ADAMTS19: variants seen among roughly 807,000 people sequenced by gnomAD.
ADAMTS19 encodes the protein A disintegrin and metalloproteinase with thrombospondin motifs 19.
In ADAMTS19, 93 loss-of-function variants were observed where a neutral mutation model predicts 153.3. The observed-to-expected ratio is 0.61, with a 90% CI of 0.51 to 0.72. ADAMTS19 has a LOEUF of 0.72. ADAMTS19 is among the 30% of genes least tolerant of loss of function. The pLI, the probability that ADAMTS19 is intolerant of heterozygous loss-of-function variation, is 0.00. For missense variants in ADAMTS19, 1,482 were observed against 1,552.1 expected, an observed-to-expected ratio of 0.95 and a Z score of 0.76; for synonymous variants, 600 against 556.6, an observed-to-expected ratio of 1.08 and a Z score of -1.10.
At chr5:129,577,367 T>A (rs1442872240) in intron 7 of ADAMTS19, among the ~76,000 whole-genome samples, 1 of 152,100 alleles carries the variant, frequency 6.6e-6, no homozygotes, top group Non-Finnish European at 1.5e-5. Context: ...GCTTACATTT[T>A]GATGGAGACA....
chr5:129,678,028 G>A (rs751115319), intron 16 of ADAMTS19, among the ~76,000 whole-genome samples: 17 of 152,078 alleles, frequency 1.1e-4, no homozygotes, highest in Non-Finnish European at 1.6e-4. Flanking sequence ...GTCCAGACTG[G>A]TCTTGAACTT....
intron 2 of ADAMTS19, among the ~76,000 whole-genome samples, chr5:129,467,967 CGTG>C (rs1437129633): frequency 6.6e-6 from 1 of 152,218 alleles, no homozygotes; most frequent in Non-Finnish European, 1.5e-5. Flanking sequence ...CACACACACA[CGTG>C]GTATTACCAC....
At chr5:129,577,972 T>C (rs1445018246) in intron 7 of ADAMTS19, among the ~76,000 whole-genome samples, 11 of 151,128 alleles carry the variant, frequency 7.3e-5, no homozygotes, top group Non-Finnish European at 1.6e-4. Flanking sequence ...CCTTTTATTT[T>C]TTTAAGCTTT....
At chr5:129,689,925 C>T (rs17163075) in intron 18 of ADAMTS19, among the ~76,000 whole-genome samples, 6,750 of 152,126 alleles carry the variant, frequency 0.044, 455 homozygotes, top group African/African-American at 0.15. Context: ...AATACCTAAG[C>T]GATAATCCAT....
At chr5:129,681,142 C>G (rs1041712383) in intron 17 of ADAMTS19, among the ~76,000 whole-genome samples, 4 of 152,098 alleles carry the variant, frequency 2.6e-5, no homozygotes, top group African/African-American at 9.7e-5. Flanking sequence ...GTCTAGAAGC[C>G]AGAGGTTCAC....
At chr5:129,568,311 G>A (rs1268320518) in intron 7 of ADAMTS19, among the ~76,000 whole-genome samples, 3 of 152,030 alleles carry the variant, frequency 2.0e-5, no homozygotes, top group Non-Finnish European at 2.9e-5. Context: ...TTGTCTGTTG[G>A]AGTCCATGAT....
intron 8 of ADAMTS19, 41 bp from the exon 9 acceptor site, chr5:129,620,577 A>T: frequency 7.0e-7 from 1 of 1,422,702 alleles, no homozygotes; most frequent in Non-Finnish European, 9.4e-7. Flanking sequence ...AGTAACATTT[A>T]CTTAGTGTAA....
chr5:129,522,737 T>C (rs1751867400), intron 3 of ADAMTS19, among the ~76,000 whole-genome samples: 1 of 151,962 alleles, frequency 6.6e-6, no homozygotes, highest in Admixed American at 6.6e-5. Context: ...GAAGTCATAA[T>C]ACAAAGGAAA....
chr5:129,636,077 A>T (rs1399357046), intron 10 of ADAMTS19, among the ~76,000 whole-genome samples: 1 of 152,060 alleles, frequency 6.6e-6, no homozygotes, highest in East Asian at 1.9e-4. Flanking sequence ...TTGTATTTTT[A>T]GTAGAGACAA....
intron 2 of ADAMTS19, among the ~76,000 whole-genome samples, chr5:129,471,450 A>AGAAGGAAG (rs141743571): frequency 0.081 from 11,855 of 146,524 alleles, 643 homozygotes; most frequent in East Asian, 0.19. Flanking sequence ...AGAAAGAAAA[A>AGAAGGAAG]GAAGGAAGGA....
At chr5:129,704,161 A>C in intron 20 of ADAMTS19, 78 bp from the exon 21 acceptor site, 28 of 1,448,000 alleles carry the variant, frequency 1.9e-5, no homozygotes, top group African/African-American at 2.8e-5. Flanking sequence ...GATTATTGGA[A>C]ACCAGTACTT....
chr5:129,554,536 C>A (rs1387334531), intron 7 of ADAMTS19, among the ~76,000 whole-genome samples: 2 of 151,950 alleles, frequency 1.3e-5, no homozygotes, highest in Non-Finnish European at 2.9e-5. Flanking sequence ...AGAATGCAAC[C>A]CTGATCACTA....
chr5:129,674,319 A>G (rs1754455457), intron 16 of ADAMTS19, among the ~76,000 whole-genome samples: 1 of 151,622 alleles, frequency 6.6e-6, no homozygotes, highest in Non-Finnish European at 1.5e-5. Context: ...TAACCAATGT[A>G]TTTTTAAAGC....
At chr5:129,626,148 A>G (rs1024768918) in intron 10 of ADAMTS19, among the ~76,000 whole-genome samples, 1 of 152,140 alleles carries the variant, frequency 6.6e-6, no homozygotes. Flanking sequence ...ATACCTATTA[A>G]CAGAGAATGC....
rs1174701520 is a variant in ADAMTS19 at position 129,708,590 on chromosome 5, C to CAAAAA, written c.3312+4219_3312+4223dup. On this transcript the variant is annotated intron_variant, in intron 21 of 22. Transcript: ENST00000274487. ...TCATTACTGGAGACCAGCAGAGAAGCAAAAAAAAAAAAAAAAAAAAAAAAG... is the reference window on the plus strand; with the variant it reads ...TCATTACTGGAGACCAGCAGAGAAGCAAAAAAAAAAAAAAAAAAAAAAAAAAAAAG... Among the ~76,000 whole-genome samples, 82 of 61,812 alleles carry CAAAAA rather than the reference C, an allele frequency of 1.3e-3. 1 individual carries two copies. The highest frequency in any genetic ancestry group is 1.6e-3 in the African/African-American group (26 of 16,414). The allele number at this position is 61,812 out of a possible 152,430, so 40.6% of individuals were successfully genotyped here.
chr5:129,588,770 TA>T (rs1371696317), intron 7 of ADAMTS19, among the ~76,000 whole-genome samples: 6 of 151,864 alleles, frequency 4.0e-5, no homozygotes, highest in Non-Finnish European at 8.8e-5. Flanking sequence ...TATTAATTAT[TA>T]AGCTTTACAT....
intron 8 of ADAMTS19, among the ~76,000 whole-genome samples, chr5:129,599,803 G>C (rs749888720): frequency 2.6e-5 from 4 of 152,094 alleles, no homozygotes; most frequent in Non-Finnish European, 5.9e-5. Context: ...GACTTTTATA[G>C]AGCTGTACCC....
chr5:129,701,261 A>G, intron 19 of ADAMTS19, 127 bp from the exon 20 acceptor site: 3 of 1,034,424 alleles, frequency 2.9e-6, no homozygotes, highest in Admixed American at 4.4e-5. Flanking sequence ...AACTGTGTCA[A>G]TTGGACCTCT....
intron 6 of ADAMTS19, among the ~76,000 whole-genome samples, chr5:129,551,647 G>A (rs1411167006): frequency 1.3e-5 from 2 of 151,672 alleles, no homozygotes; most frequent in African/African-American, 4.8e-5. Context: ...TATGGGAACT[G>A]TCTAATGTCT....
Sources: gnomAD v4.1 joint callset for allele counts (sites outside exome capture counted in the v4.1 genomes callset) on GRCh38, gnomAD v4.1.1 for gene constraint, MANE v1.5 for transcripts, NCBI Gene and HGNC (gene_info 2026-07-23, HGNC 2026-07-21) for gene names.